Variants in SPATA6 observed in about 807,000 individuals in gnomAD.
SPATA6 encodes the protein spermatogenesis-associated protein 6.
SPATA6 carries 56 observed loss-of-function variants against 65.3 expected under a neutral mutation model. That is an observed-to-expected ratio of 0.86 (90% confidence interval 0.69 to 1.07). The LOEUF (loss-of-function observed/expected upper bound fraction) is 1.07. Among genes scored for constraint, SPATA6 ranks in the 50% least tolerant of loss-of-function variants. SPATA6 has a pLI of 0.00. For synonymous variants in SPATA6, 199 were observed against 213.2 expected (o/e 0.93, Z 0.58); for missense variants, 590 against 594.8 (o/e 0.99, Z 0.08).
chr1:48,459,477 T>A (rs1657260382), intron 1 of SPATA6, among the ~76,000 whole-genome samples: 1 of 152,178 alleles, frequency 6.6e-6, no homozygotes, highest in Non-Finnish European at 1.5e-5. Flanking sequence ...AATTATACAG[T>A]GTCAAAGTAA....
At chr1:48,434,322 T>TA (rs1362489975) in intron 3 of SPATA6, among the ~76,000 whole-genome samples, 2 of 147,422 alleles carry the variant, frequency 1.4e-5, no homozygotes, top group African/African-American at 2.5e-5. Flanking sequence ...TCTAGTGAGA[T>TA]AAAAAATTTA....
intron 3 of SPATA6, among the ~76,000 whole-genome samples, chr1:48,425,957 T>C (rs1023562563): frequency 2.0e-5 from 3 of 151,908 alleles, no homozygotes; most frequent in African/African-American, 7.3e-5. Flanking sequence ...AAAATATTAA[T>C]AAATCAAACT....
chr1:48,365,373 T>C (rs1224709907), intron 9 of SPATA6, among the ~76,000 whole-genome samples: 1 of 152,230 alleles, frequency 6.6e-6, no homozygotes, highest in Non-Finnish European at 1.5e-5. Context: ...GCATTGAATC[T>C]GTAAATTACT....
chr1:48,453,521 G>A (rs949895525), intron 1 of SPATA6, among the ~76,000 whole-genome samples: 5 of 151,584 alleles, frequency 3.3e-5, no homozygotes, highest in Admixed American at 2.0e-4. Context: ...CTATATTATA[G>A]AATTTTAAAA....
chr1:48,335,714 T>C (rs560117043), intron 11 of SPATA6, among the ~76,000 whole-genome samples: 1 of 152,152 alleles, frequency 6.6e-6, no homozygotes, highest in African/African-American at 2.4e-5. Flanking sequence ...ATTTTTGACA[T>C]AGGAATAGGC....
At chr1:48,324,139 GTAGAGA>G (rs910643652) in intron 11 of SPATA6, among the ~76,000 whole-genome samples, 1 of 151,802 alleles carries the variant, frequency 6.6e-6, no homozygotes, top group Non-Finnish European at 1.5e-5. Flanking sequence ...ATTATTATTT[GTAGAGA>G]CAAGGTCTCA....
At chr1:48,379,320 T>A (rs1170972265) in intron 9 of SPATA6, among the ~76,000 whole-genome samples, 1 of 152,152 alleles carries the variant, frequency 6.6e-6, no homozygotes, top group Non-Finnish European at 1.5e-5. Flanking sequence ...TCTCGACAGG[T>A]GGGAATTGTC....
At chr1:48,339,699 G>T (rs1400827223) in intron 11 of SPATA6, among the ~76,000 whole-genome samples, 1 of 151,932 alleles carries the variant, frequency 6.6e-6, no homozygotes, top group Non-Finnish European at 1.5e-5. Context: ...GAACTATAAG[G>T]TTCATAGTAA....
intron 1 of SPATA6, among the ~76,000 whole-genome samples, chr1:48,454,344 T>A (rs1462150945): frequency 1.3e-5 from 2 of 152,126 alleles, no homozygotes; most frequent in Non-Finnish European, 2.9e-5. Context: ...TTGTATAATG[T>A]AACATAATAT....
intron 3 of SPATA6, among the ~76,000 whole-genome samples, chr1:48,421,319 CAATT>C (rs1463381636): frequency 6.6e-6 from 1 of 150,854 alleles, no homozygotes; most frequent in African/African-American, 2.4e-5. Flanking sequence ...TATATATGCA[CAATT>C]ATTATGTCAA....
intron 11 of SPATA6, among the ~76,000 whole-genome samples, chr1:48,317,084 T>C (rs1265553229): frequency 6.6e-6 from 1 of 152,250 alleles, no homozygotes; most frequent in Non-Finnish European, 1.5e-5. Flanking sequence ...TTGGTGGGAC[T>C]GTAAACTAGT....
At chr1:48,462,168 G>T (rs926614504) in intron 1 of SPATA6, among the ~76,000 whole-genome samples, 1 of 151,832 alleles carries the variant, frequency 6.6e-6, no homozygotes, top group Non-Finnish European at 1.5e-5. Context: ...CACAGGAAGG[G>T]GAACATCACA....
chr1:48,275,660 T>A, the SPATA6 span, among the ~76,000 whole-genome samples: 1 of 152,184 alleles, frequency 6.6e-6, no homozygotes, highest in Non-Finnish European at 1.5e-5. Context: ...TCGCATATGT[T>A]TTTATGGTAT....
intron 12 of SPATA6, among the ~76,000 whole-genome samples, chr1:48,299,210 TGGCCAGTATA>T (rs1347391726): frequency 6.6e-6 from 1 of 152,002 alleles, no homozygotes; most frequent in African/African-American, 2.4e-5. Flanking sequence ...TGGCCTGGTA[TGGCCAGTATA>T]AGAATGCACA....
At chr1:48,348,923 T>G (rs902367617) in intron 11 of SPATA6, among the ~76,000 whole-genome samples, 3 of 152,028 alleles carry the variant, frequency 2.0e-5, no homozygotes, top group African/African-American at 7.2e-5. Flanking sequence ...TATCTACAGT[T>G]TATTTACTTC....
At chr1:48,325,542 T>C (rs780454633) in intron 11 of SPATA6, 229 of 1,192,924 alleles carry the variant, frequency 1.9e-4, no homozygotes, top group Non-Finnish European at 2.5e-4. Context: ...GTTCTTCCTC[T>C]TCCTCTTTGG....
chr1:48,327,210 GAAGA>G (rs1490869544), intron 11 of SPATA6, among the ~76,000 whole-genome samples: 1 of 152,092 alleles, frequency 6.6e-6, no homozygotes, highest in Non-Finnish European at 1.5e-5. Flanking sequence ...TTCCTCAAAA[GAAGA>G]AATAAAAGCG....
chr1:48,292,370 T>C (rs1644773585), downstream of SPATA6, among the ~76,000 whole-genome samples: 1 of 152,200 alleles, frequency 6.6e-6, no homozygotes, highest in Admixed American at 6.5e-5. Context: ...AACTATGTTG[T>C]CCTCAGCTGT....
the SPATA6 span, among the ~76,000 whole-genome samples, chr1:48,274,954 A>G: frequency 5.9e-5 from 9 of 152,130 alleles, no homozygotes; most frequent in African/African-American, 2.2e-4. Context: ...TACTATATTG[A>G]TTCTTCCTAT....
Sources: gnomAD v4.1 joint callset for allele counts (sites outside exome capture counted in the v4.1 genomes callset) on GRCh38, gnomAD v4.1.1 for gene constraint, MANE v1.5 for transcripts, NCBI Gene and HGNC (gene_info 2026-07-23, HGNC 2026-07-21) for gene names.